EYA1: variants seen among roughly 807,000 people sequenced by gnomAD.
EYA1 encodes the protein protein phosphatase EYA1.
Under a neutral mutation model 82.0 loss-of-function variants are expected in EYA1, and 16 were observed. That is an observed-to-expected ratio of 0.20 (90% CI 0.13 to 0.30). The LOEUF (loss-of-function observed/expected upper bound fraction) is 0.30. EYA1 is among the 10% of genes least tolerant of loss of function. The pLI is 1.00. For synonymous variants in EYA1, 261 were observed against 264.4 expected, an observed-to-expected ratio of 0.99 and a Z score of 0.12; for missense variants, 633 against 730.7, an observed-to-expected ratio of 0.87 and a Z score of 1.54.
intron 2 of EYA1, among the ~76,000 whole-genome samples, chr8:71,386,311 G>A (rs1828963448): frequency 6.6e-6 from 1 of 152,130 alleles, no homozygotes; most frequent in Non-Finnish European, 1.5e-5. Flanking sequence ...AAGGGATAGG[G>A]CAAAATGCAC....
Position 71,212,246 on chromosome 8 carries a change from T to C in EYA1, c.1598-990A>G, listed in dbSNP as rs79640768. On this transcript the variant is annotated intron_variant, in intron 16 of 17. Transcript: ENST00000340726. ...TTTGCTTAAACAAATGTCTGCTTTA[T>C]ATTTGTATTTTGCACTAAAATCTCT... Among the ~76,000 whole-genome samples the C allele has an allele frequency of 6.8e-3, 1,040 of 152,360 alleles. 12 individuals carry two copies. The highest frequency in any genetic ancestry group is 0.024 in the African/African-American group (981 of 41,582).
upstream of EYA1, among the ~76,000 whole-genome samples, chr8:71,366,140 C>A (rs77827567): frequency 0.12 from 18,140 of 151,102 alleles, 1,349 homozygotes; most frequent in East Asian, 0.26. Context: ...GTAATGGCTG[C>A]CTATCAGATT....
At chr8:71,393,667 T>G (rs1313458797) in intron 2 of EYA1, among the ~76,000 whole-genome samples, 1 of 152,238 alleles carries the variant, frequency 6.6e-6, no homozygotes, top group South Asian at 2.1e-4. Context: ...GGTGTATATG[T>G]GCCACATTTT....
intron 2 of EYA1, among the ~76,000 whole-genome samples, chr8:71,417,096 C>T (rs1586675732): frequency 1.3e-5 from 2 of 152,190 alleles, no homozygotes; most frequent in South Asian, 4.2e-4. Context: ...GCTTCTTGCC[C>T]TTGAATATCG....
chr8:71,369,100 G>C (rs1586567164), intron 2 of EYA1, among the ~76,000 whole-genome samples: 1 of 150,854 alleles, frequency 6.6e-6, no homozygotes, highest in Non-Finnish European at 1.5e-5. Context: ...CTACTCAGGA[G>C]GCTGAGGCAG....
intron 11 of EYA1, among the ~76,000 whole-genome samples, chr8:71,259,823 A>G (rs925809649): frequency 6.6e-6 from 1 of 152,232 alleles, no homozygotes; most frequent in Non-Finnish European, 1.5e-5. Context: ...CTTTCTCTAG[A>G]AACGTTAAAG....
chr8:71,507,212 G>C (rs1488738246), intron 2 of EYA1, among the ~76,000 whole-genome samples: 3 of 152,132 alleles, frequency 2.0e-5, no homozygotes, highest in Non-Finnish European at 4.4e-5. Context: ...CAGGACATTA[G>C]AGACACCAAA....
chr8:71,541,595 GAAC>G (rs1466883161), intron 1 of EYA1, among the ~76,000 whole-genome samples: 3 of 152,108 alleles, frequency 2.0e-5, no homozygotes, highest in Non-Finnish European at 4.4e-5. Context: ...CTTACTATGT[GAAC>G]AACATTAAGA....
At chr8:71,513,181 A>T (rs2129255935) in intron 2 of EYA1, among the ~76,000 whole-genome samples, 1 of 152,302 alleles carries the variant, frequency 6.6e-6, no homozygotes, top group Admixed American at 6.5e-5. Context: ...GCCACTAAAA[A>T]TTTTAAAACA....
At chr8:71,516,971 T>C (rs1450773330) in intron 2 of EYA1, among the ~76,000 whole-genome samples, 1 of 152,136 alleles carries the variant, frequency 6.6e-6, no homozygotes. Context: ...CAACTTTCAG[T>C]GCTTAATCAA....
At chr8:71,323,175 A>T (rs755689666) in intron 4 of EYA1, among the ~76,000 whole-genome samples, 2 of 152,106 alleles carry the variant, frequency 1.3e-5, no homozygotes, top group African/African-American at 2.4e-5. Flanking sequence ...GTATATATAC[A>T]TACATATATA....
chr8:71,480,713 A>G (rs990652990), intron 2 of EYA1, among the ~76,000 whole-genome samples: 1 of 152,032 alleles, frequency 6.6e-6, no homozygotes, highest in African/African-American at 2.4e-5. Flanking sequence ...GAAACATTAT[A>G]TCTGCATGAA....
intron 17 of EYA1, among the ~76,000 whole-genome samples, chr8:71,202,462 T>C (rs780002162): frequency 2.6e-5 from 4 of 152,148 alleles, no homozygotes; most frequent in Non-Finnish European, 5.9e-5. Context: ...AGTTGGCTTG[T>C]TTACTGGCAC....
At chr8:71,259,907 T>G (rs921710814) in intron 11 of EYA1, among the ~76,000 whole-genome samples, 8 of 152,206 alleles carry the variant, frequency 5.3e-5, no homozygotes, top group African/African-American at 9.7e-5. Context: ...TCCCAAGATT[T>G]TTATTGTTGA....
intron 2 of EYA1, among the ~76,000 whole-genome samples, chr8:71,449,633 G>T (rs1382568449): frequency 6.6e-6 from 1 of 152,208 alleles, no homozygotes; most frequent in African/African-American, 2.4e-5. Flanking sequence ...GAGATTTTCA[G>T]AATAGGAAAT....
At chr8:71,219,815 A>AAACTC (rs1354488184) in intron 12 of EYA1, among the ~76,000 whole-genome samples, 1 of 152,208 alleles carries the variant, frequency 6.6e-6, no homozygotes, top group African/African-American at 2.4e-5. Context: ...AGATATCCTG[A>AAACTC]AACTCAGCCT....
intron 12 of EYA1, among the ~76,000 whole-genome samples, chr8:71,238,548 A>G (rs1226474403): frequency 6.6e-6 from 1 of 152,054 alleles, no homozygotes; most frequent in African/African-American, 2.4e-5. Context: ...TACTTCTTAT[A>G]AGGTTTCTTC....
chr8:71,226,781 A>G (rs1810611931), intron 12 of EYA1, among the ~76,000 whole-genome samples: 2 of 151,706 alleles, frequency 1.3e-5, no homozygotes. Context: ...TATACAATAA[A>G]TACTATCTCG....
intron 2 of EYA1, among the ~76,000 whole-genome samples, chr8:71,454,289 TAAAG>T (rs896386737): frequency 6.6e-6 from 1 of 152,026 alleles, no homozygotes; most frequent in African/African-American, 2.4e-5. Context: ...TAGAGACCAA[TAAAG>T]AGACTTAGTC....
Sources: gnomAD v4.1 joint callset for allele counts (sites outside exome capture counted in the v4.1 genomes callset) on GRCh38, gnomAD v4.1.1 for gene constraint, MANE v1.5 for transcripts, NCBI Gene and HGNC (gene_info 2026-07-23, HGNC 2026-07-21) for gene names.